PRKG1: variants seen among roughly 807,000 people sequenced by gnomAD.
The protein encoded by PRKG1 is protein kinase cGMP-dependent 1.
Under a neutral mutation model 88.1 loss-of-function variants are expected in PRKG1, and 35 were observed. The ratio of observed to expected loss-of-function variants is 0.40; its 90% CI spans 0.30 to 0.53. PRKG1 has a LOEUF of 0.53. Among genes scored for constraint, PRKG1 ranks in the 20% least tolerant of loss-of-function variants. PRKG1 has a pLI of 0.59. For synonymous variants in PRKG1, 303 were observed against 292.5 expected, an observed-to-expected ratio of 1.04 and a Z score of -0.37; for missense variants, 540 against 839.8, an observed-to-expected ratio of 0.64 and a Z score of 4.41.
chr10:52,141,692 T>A (rs1190882316), intron 8 of PRKG1, among the ~76,000 whole-genome samples: 1 of 152,220 alleles, frequency 6.6e-6, no homozygotes, highest in Non-Finnish European at 1.5e-5. Flanking sequence ...CCAGTCTCAA[T>A]TTTTAATATG....
At chr10:51,678,378 A>G (rs1589189421) in intron 3 of PRKG1, among the ~76,000 whole-genome samples, 2 of 152,286 alleles carry the variant, frequency 1.3e-5, no homozygotes, top group East Asian at 3.9e-4. Context: ...GTTCAAGCAT[A>G]GTTGGGATTG....
intron 3 of PRKG1, among the ~76,000 whole-genome samples, chr10:51,738,196 C>G (rs1019018891): frequency 6.6e-6 from 1 of 152,152 alleles, no homozygotes; most frequent in African/African-American, 2.4e-5. Flanking sequence ...TATATATCCT[C>G]TTACAGTCCT....
intron 2 of PRKG1, among the ~76,000 whole-genome samples, chr10:51,292,634 A>G (rs181306287): frequency 7.1e-4 from 108 of 152,260 alleles, no homozygotes; most frequent in African/African-American, 2.5e-3. Flanking sequence ...TTTTATAATT[A>G]TATTGGTTCC....
At chr10:51,153,754 GT>G (rs1846137217) in intron 2 of PRKG1, among the ~76,000 whole-genome samples, 1 of 151,880 alleles carries the variant, frequency 6.6e-6, no homozygotes, top group African/African-American at 2.4e-5. Context: ...TGAAGCTTCT[GT>G]AAAAAGAAAA....
chr10:51,301,413 A>G (rs1369263433), intron 2 of PRKG1, among the ~76,000 whole-genome samples: 2 of 152,048 alleles, frequency 1.3e-5, no homozygotes, highest in Non-Finnish European at 2.9e-5. Flanking sequence ...CCTGTTTAAT[A>G]TAACTCCCCT....
At chr10:51,311,415 G>A (rs772003753) in intron 2 of PRKG1, among the ~76,000 whole-genome samples, 2 of 152,322 alleles carry the variant, frequency 1.3e-5, no homozygotes, top group Non-Finnish European at 2.9e-5. Context: ...CTTAGATGGT[G>A]TGTTCAGTTA....
Position 52,216,054 on chromosome 10 carries a change from G to A in PRKG1, c.1077-35516G>A, listed in dbSNP as rs117659232. ...CAAACTGTACACCCAGAGACCCTGA[G>A]GCTATTACTTTCTCATAAATTTACT... On this transcript the variant is annotated intron_variant, in intron 9 of 17. Coordinates refer to ENST00000373980, the MANE Select transcript of PRKG1 (RefSeq NM_006258.4). Among the ~76,000 whole-genome samples the A allele has an allele frequency of 1.4e-3, 217 of 152,258 alleles. 2 individuals are homozygous for A. In the East Asian group the frequency reaches 0.018, roughly 13 times the overall value.
intron 5 of PRKG1, among the ~76,000 whole-genome samples, chr10:52,014,415 T>C (rs1224998522): frequency 1.3e-5 from 2 of 152,114 alleles, no homozygotes; most frequent in Admixed American, 1.3e-4. Flanking sequence ...GATAACACCA[T>C]GGCGGAAACA....
At chr10:51,710,551 T>C (rs956245597) in intron 3 of PRKG1, among the ~76,000 whole-genome samples, 4 of 152,212 alleles carry the variant, frequency 2.6e-5, no homozygotes, top group Non-Finnish European at 5.9e-5. Flanking sequence ...GGATAGTACA[T>C]TGTTGCCAGG....
chr10:52,062,757 T>C (rs1191494588), intron 7 of PRKG1, 126 bp downstream of exon 7: 4 of 752,486 alleles, frequency 5.3e-6, no homozygotes, highest in Non-Finnish European at 9.8e-6. Flanking sequence ...TATGGACCCT[T>C]GATGATAAAT....
At chr10:51,476,044 A>C (rs1259368540) in intron 3 of PRKG1, among the ~76,000 whole-genome samples, 1 of 152,100 alleles carries the variant, frequency 6.6e-6, no homozygotes, top group Non-Finnish European at 1.5e-5. Flanking sequence ...CATAGTGGAA[A>C]GGTCTTTGGT....
chr10:51,323,774 A>G (rs1199492385), intron 2 of PRKG1, among the ~76,000 whole-genome samples: 1 of 152,092 alleles, frequency 6.6e-6, no homozygotes, highest in Non-Finnish European at 1.5e-5. Flanking sequence ...GGGTCTAGAG[A>G]CCTTGTCTTT....
At chr10:52,243,768 G>A (rs763277759) in intron 9 of PRKG1, among the ~76,000 whole-genome samples, 2 of 152,046 alleles carry the variant, frequency 1.3e-5, no homozygotes, top group South Asian at 2.1e-4. Flanking sequence ...TTTTAAAGTC[G>A]TAGAAGAAAG....
intron 2 of PRKG1, among the ~76,000 whole-genome samples, chr10:51,330,782 G>T (rs538451761): frequency 6.6e-6 from 1 of 152,266 alleles, no homozygotes; most frequent in South Asian, 2.1e-4. Context: ...CTTCTTAAAA[G>T]AACTATTTTG....
chr10:52,246,304 A>G (rs977765314), intron 9 of PRKG1, among the ~76,000 whole-genome samples: 1 of 152,184 alleles, frequency 6.6e-6, no homozygotes, highest in Non-Finnish European at 1.5e-5. Context: ...ACTAATGACT[A>G]TTATCTATTT....
At chr10:51,426,281 AAAAT>A (rs1429835745) in intron 2 of PRKG1, among the ~76,000 whole-genome samples, 1 of 152,238 alleles carries the variant, frequency 6.6e-6, no homozygotes, top group South Asian at 2.1e-4. Context: ...ACTCTGTCTC[AAAAT>A]AAATAAATAA....
chr10:52,107,902 G>A (rs775271770), intron 7 of PRKG1, among the ~76,000 whole-genome samples: 1 of 152,122 alleles, frequency 6.6e-6, no homozygotes, highest in Non-Finnish European at 1.5e-5. Context: ...GAGTATAGTT[G>A]GCATAATCAC....
At chr10:51,230,589 T>G (rs572128907) in intron 2 of PRKG1, among the ~76,000 whole-genome samples, 2 of 152,320 alleles carry the variant, frequency 1.3e-5, no homozygotes, top group South Asian at 4.1e-4. Flanking sequence ...GGAGATAGGT[T>G]CCAGGACTTC....
At chr10:52,076,952 T>A (rs1261990852) in intron 7 of PRKG1, among the ~76,000 whole-genome samples, 1 of 151,448 alleles carries the variant, frequency 6.6e-6, no homozygotes, top group Admixed American at 6.6e-5. Context: ...GGAGAGGATG[T>A]AGAGTATAAA....
Sources: allele counts gnomAD v4.1 joint callset (sites outside exome capture counted in the v4.1 genomes callset), GRCh38; gene constraint gnomAD v4.1.1; transcripts MANE v1.5; gene names NCBI Gene and HGNC (gene_info 2026-07-23, HGNC 2026-07-21).